The following GSTCD variants were observed in gnomAD, a reference collection of about 807,000 sequenced individuals.
The protein encoded by GSTCD is glutathione S-transferase C-terminal domain containing, also known as glutathione S-transferase C-terminal domain-containing protein.
A neutral mutation model predicts 68.3 loss-of-function variants in GSTCD; 44 were observed. That is an observed-to-expected ratio of 0.64 (90% CI 0.51 to 0.83). The LOEUF is 0.83. GSTCD is among the 40% of genes least tolerant of loss of function. The pLI is 0.00. For synonymous variants in GSTCD, 273 were observed against 255.2 expected (o/e 1.07, Z -0.67); for missense variants, 739 against 735.9 (o/e 1.00, Z -0.05).
Position 105,766,887 on chromosome 4 carries a change from C to CTTTTTTTTTTTT in GSTCD, c.1240+37402_1240+37413dup. 7.0e-5 allele frequency among the ~76,000 whole-genome samples: 4 copies of CTTTTTTTTTTTT among 57,132 alleles called. 1 individual carries two copies. Among genetic ancestry groups the CTTTTTTTTTTTT allele is most frequent in the African/African-American group, 2.4e-4 (3 of 12,440 alleles). The allele number at this position is 57,132 out of a possible 152,430, so 37.5% of individuals were successfully genotyped here. ...CAAAAGCATGAATAGGTTTTTGACT[C>CTTTTTTTTTTTT]TTTTTTTTTTTTTTTTTTTTTTTTT... On this transcript the variant is annotated intron_variant, in intron 5 of 11. Transcript: ENST00000515279.
chr4:105,802,446 A>C (rs1736140703), intron 5 of GSTCD, among the ~76,000 whole-genome samples: 2 of 152,026 alleles, frequency 1.3e-5, no homozygotes, highest in South Asian at 4.1e-4. Context: ...TTTTTTTCTT[A>C]GGATACCTAA....
chr4:105,719,379 A>G lies in GSTCD; in HGVS notation c.746A>G (p.Gln249Arg). 2 of 1,614,124 alleles carry G rather than the reference A, an allele frequency of 1.2e-6. No homozygotes were observed. The highest frequency in any genetic ancestry group is 4.5e-5 in the East Asian group (2 of 44,882). The stretch of plus-strand genomic sequence containing the variant: ...GTGGCATTCTCAAAGCTCACAGTAC[A>G]GGAAGAACCAGCTACTACCAACAGA... ...LKVAFSKLTV[Q>R]EEPATTNREP... Residue 249 changes from glutamine (Q) to arginine (R), a missense_variant, in exon 3 of 12, where the codon CAG becomes CGG. Coordinates refer to ENST00000515279, the MANE Select transcript of GSTCD (RefSeq NM_001370181.1).
intron 11 of GSTCD, among the ~76,000 whole-genome samples, chr4:105,843,863 C>G (rs1724449965): frequency 7.6e-6 from 1 of 131,594 alleles, no homozygotes; most frequent in Non-Finnish European, 1.5e-5. Context: ...AGGTATCAAA[C>G]TAAAGGGGAG....
intron 9 of GSTCD, 86 bp from the exon 10 acceptor site, chr4:105,837,773 C>A (rs1489707431): frequency 5.0e-6 from 3 of 594,352 alleles, no homozygotes; most frequent in Middle Eastern, 3.9e-4. Context: ...ACATACAAAG[C>A]ATATTTTTAT....
At chr4:105,740,555 G>C (rs1286280767) in intron 5 of GSTCD, among the ~76,000 whole-genome samples, 1 of 152,032 alleles carries the variant, frequency 6.6e-6, no homozygotes, top group Non-Finnish European at 1.5e-5. Flanking sequence ...TTTTGTGGTG[G>C]GGGCGTGGGA....
At chr4:105,734,265 A>G (rs1057100610) in intron 5 of GSTCD, among the ~76,000 whole-genome samples, 1 of 152,184 alleles carries the variant, frequency 6.6e-6, no homozygotes, top group Non-Finnish European at 1.5e-5. Flanking sequence ...TCTCCTGGAT[A>G]ATATCCTGCA....
intron 5 of GSTCD, chr4:105,746,500 T>C (rs1400203535): frequency 6.6e-6 from 1 of 152,186 alleles, no homozygotes; most frequent in Non-Finnish European, 1.5e-5. Context: ...CTAGAAGGCT[T>C]TAAAGCTAGC....
chr4:105,783,009 A>G (rs6825379), intron 5 of GSTCD, among the ~76,000 whole-genome samples: 18,001 of 152,178 alleles, frequency 0.12, 1,617 homozygotes, highest in African/African-American at 0.25. Flanking sequence ...ACTATGCTGG[A>G]ACACAAGTTC....
chr4:105,758,328 A>G (rs751381022), intron 5 of GSTCD, among the ~76,000 whole-genome samples: 3 of 152,076 alleles, frequency 2.0e-5, no homozygotes, highest in Non-Finnish European at 4.4e-5. Context: ...CTCATGTTGA[A>G]TTGTAATCCC....
intron 5 of GSTCD, among the ~76,000 whole-genome samples, chr4:105,753,588 TA>T (rs893501363): frequency 6.6e-6 from 1 of 152,054 alleles, no homozygotes; most frequent in African/African-American, 2.4e-5. Context: ...GTATTACAAA[TA>T]ATCTAGAGAT....
rs879287344 is a variant in GSTCD, at chr4:105,847,507, C to G, written c.*1930C>G. 6 of 152,110 alleles carry G rather than the reference C, an allele frequency of 3.9e-5. No homozygotes were observed. Among genetic ancestry groups the G allele is most frequent in the Non-Finnish European group, 8.8e-5 (6 of 67,996 alleles). 9.4% of individuals were successfully genotyped at this position (152,110 alleles called of 1,614,324 possible). ...GTATTCATTTGAGATGTTTTGACAACTGTATATATACATGTAACCATCACT... is the reference window on the plus strand; with the variant it reads ...GTATTCATTTGAGATGTTTTGACAAGTGTATATATACATGTAACCATCACT... On this transcript the variant is annotated 3_prime_UTR_variant, in exon 12 of 12. Coordinates refer to ENST00000515279, the MANE Select transcript of GSTCD (RefSeq NM_001370181.1).
At chr4:105,765,007 T>C (rs1734551375) in intron 5 of GSTCD, among the ~76,000 whole-genome samples, 1 of 152,176 alleles carries the variant, frequency 6.6e-6, no homozygotes, top group South Asian at 2.1e-4. Context: ...TTGATCTGCA[T>C]ATAGATATAG....
intron 8 of GSTCD, among the ~76,000 whole-genome samples, chr4:105,826,869 A>G (rs1723645145): frequency 1.3e-5 from 2 of 152,158 alleles, no homozygotes; most frequent in Non-Finnish European, 2.9e-5. Context: ...AACTTTTATC[A>G]ACTTAACTAA....
intron 5 of GSTCD, among the ~76,000 whole-genome samples, chr4:105,765,835 C>T (rs549985659): frequency 5.9e-5 from 9 of 152,184 alleles, no homozygotes; most frequent in Admixed American, 2.0e-4. Context: ...TCACTCTGCA[C>T]TTGTCTCTCC....
intron 10 of GSTCD, chr4:105,840,052 A>G (rs1724276783): frequency 3.4e-6 from 1 of 289,988 alleles, no homozygotes; most frequent in Non-Finnish European, 7.0e-6. Context: ...CTGCAGTTCA[A>G]TTTAGACAGC....
intron 5 of GSTCD, among the ~76,000 whole-genome samples, chr4:105,748,777 A>G (rs1184869469): frequency 1.4e-5 from 2 of 144,038 alleles, no homozygotes; most frequent in Non-Finnish European, 3.1e-5. Flanking sequence ...AGAGCAAAAC[A>G]TGTGTTAAAT....
chr4:105,746,001 C>A (rs929825367), intron 5 of GSTCD, among the ~76,000 whole-genome samples: 2 of 152,042 alleles, frequency 1.3e-5, no homozygotes, highest in East Asian at 3.9e-4. Context: ...ACATTACCAC[C>A]CATTCACCCT....
chr4:105,819,767 GGT>G (rs1373889018), intron 5 of GSTCD, among the ~76,000 whole-genome samples: 1 of 151,470 alleles, frequency 6.6e-6, no homozygotes, highest in Non-Finnish European at 1.5e-5. Context: ...TTAAAAGAGT[GGT>G]GTATACAACA....
rs1437211151 is a variant in GSTCD at position 105,786,346 on chromosome 4, A to G, written c.1241-36608A>G. Reference sequence around the variant, plus strand: ...GTCAACATGGAGAAACCCTGTCTCTACTAAAAGTACAAAAAATTAGCCAAG... The same window carrying G: ...GTCAACATGGAGAAACCCTGTCTCTGCTAAAAGTACAAAAAATTAGCCAAG... On this transcript the variant is annotated intron_variant, in intron 5 of 11. Coordinates refer to ENST00000515279, the MANE Select transcript of GSTCD (RefSeq NM_001370181.1). Among the ~76,000 whole-genome samples, 3 of 152,002 alleles carry G rather than the reference A, an allele frequency of 2.0e-5. 1 individual carries two copies. Among genetic ancestry groups the G allele is most frequent in the African/African-American group, 7.3e-5 (3 of 41,302 alleles).
Sources: allele counts gnomAD v4.1 joint callset (sites outside exome capture counted in the v4.1 genomes callset), GRCh38; gene constraint gnomAD v4.1.1; transcripts MANE v1.5; gene names NCBI Gene and HGNC (gene_info 2026-07-23, HGNC 2026-07-21).